The following ST6GALNAC5 variants were observed in gnomAD, a reference collection of about 807,000 sequenced individuals.
ST6GALNAC5 encodes the protein alpha-N-acetylgalactosaminide alpha-2,6-sialyltransferase 5.
In ST6GALNAC5, 27 loss-of-function variants were observed where a neutral mutation model predicts 33.6. The observed-to-expected ratio is 0.80, with a 90% CI of 0.59 to 1.11. ST6GALNAC5 has a LOEUF of 1.11. ST6GALNAC5 is among the 50% of genes least tolerant of loss of function. ST6GALNAC5 has a pLI of 0.00. For synonymous variants in ST6GALNAC5, 194 were observed against 171.2 expected (o/e 1.13, Z -1.04); for missense variants, 428 against 454.0 (o/e 0.94, Z 0.52).
intron 2 of ST6GALNAC5, among the ~76,000 whole-genome samples, chr1:77,013,071 A>T (rs1485341860): frequency 6.6e-6 from 1 of 152,168 alleles, no homozygotes; most frequent in African/African-American, 2.4e-5. Flanking sequence ...TGGCAGAAGG[A>T]GCAGTGTGTG....
chr1:76,892,742 G>T (rs544380880), intron 2 of ST6GALNAC5, among the ~76,000 whole-genome samples: 1 of 152,142 alleles, frequency 6.6e-6, no homozygotes, highest in African/African-American at 2.4e-5. Flanking sequence ...CCTATATCTG[G>T]AGTCCTTTAA....
intron 2 of ST6GALNAC5, among the ~76,000 whole-genome samples, chr1:77,023,217 G>A (rs1651117413): frequency 6.6e-6 from 1 of 152,196 alleles, no homozygotes; most frequent in African/African-American, 2.4e-5. Context: ...GAGGGATTCT[G>A]TTATTTAAGC....
At chr1:77,029,075 A>C (rs1651354658) in intron 2 of ST6GALNAC5, among the ~76,000 whole-genome samples, 1 of 152,192 alleles carries the variant, frequency 6.6e-6, no homozygotes, top group African/African-American at 2.4e-5. Flanking sequence ...TAAGCTATAA[A>C]GGGTCACTTT....
intron 2 of ST6GALNAC5, among the ~76,000 whole-genome samples, chr1:77,039,955 C>T (rs534853666): frequency 6.6e-6 from 1 of 152,304 alleles, no homozygotes; most frequent in South Asian, 2.1e-4. Flanking sequence ...CATCTGAATG[C>T]TTAAGGGAAG....
At chr1:77,021,883 C>A (rs1651065993) in intron 2 of ST6GALNAC5, among the ~76,000 whole-genome samples, 1 of 152,184 alleles carries the variant, frequency 6.6e-6, no homozygotes, top group Admixed American at 6.5e-5. Flanking sequence ...TTGCACCTCA[C>A]ACACATCTCA....
intron 2 of ST6GALNAC5, among the ~76,000 whole-genome samples, chr1:77,000,666 G>A (rs1650114337): frequency 6.6e-6 from 1 of 150,536 alleles, no homozygotes; most frequent in African/African-American, 2.4e-5. Flanking sequence ...ATTGATTTTT[G>A]TATAAGGTGT....
intron 2 of ST6GALNAC5, among the ~76,000 whole-genome samples, chr1:76,923,287 A>AG (rs1647052896): frequency 6.6e-6 from 1 of 152,010 alleles, no homozygotes; most frequent in Non-Finnish European, 1.5e-5. Context: ...TAATGAAAAA[A>AG]AAAAAGGAGT....
chr1:77,016,140 CTCCCCTCCTGTATCTTCCCCT>C (rs1458338457), intron 2 of ST6GALNAC5, among the ~76,000 whole-genome samples: 1 of 117,864 alleles, frequency 8.5e-6, no homozygotes, highest in African/African-American at 3.4e-5. Context: ...TATCTCCTCC[CTCCCCTCCTGTATCTTCCCCT>C]CCTCCTCCTC....
At chr1:77,001,926 A>C (rs1650184475) in intron 2 of ST6GALNAC5, among the ~76,000 whole-genome samples, 1 of 152,128 alleles carries the variant, frequency 6.6e-6, no homozygotes, top group Non-Finnish European at 1.5e-5. Context: ...ATCAATGTTC[A>C]TCAAGGATAT....
chr1:76,974,223 T>TC (rs1444153259), intron 2 of ST6GALNAC5, among the ~76,000 whole-genome samples: 4 of 150,208 alleles, frequency 2.7e-5, no homozygotes, highest in African/African-American at 9.8e-5. Context: ...TTTTTTTTTT[T>TC]TTTTTTAGAA....
chr1:76,867,830 C>A (rs1271913141), intron 1 of ST6GALNAC5, 140 bp downstream of exon 1: 8 of 1,221,812 alleles, frequency 6.5e-6, no homozygotes, highest in Non-Finnish European at 9.3e-6. Flanking sequence ...TTTCTACCCG[C>A]TCCGCGTTCC....
intron 2 of ST6GALNAC5, among the ~76,000 whole-genome samples, chr1:77,031,454 C>T (rs1327124877): frequency 2.6e-5 from 4 of 152,198 alleles, no homozygotes; most frequent in Admixed American, 2.6e-4. Flanking sequence ...CTGCCACAAT[C>T]TGGTTATTTG....
chr1:77,018,773 G>A (rs1340417930), intron 2 of ST6GALNAC5, among the ~76,000 whole-genome samples: 1 of 152,158 alleles, frequency 6.6e-6, no homozygotes, highest in Non-Finnish European at 1.5e-5. Context: ...AGGGATGTCA[G>A]GTACATTATA....
intron 2 of ST6GALNAC5, among the ~76,000 whole-genome samples, chr1:77,028,276 C>G (rs1406994229): frequency 6.6e-6 from 1 of 152,172 alleles, no homozygotes; most frequent in East Asian, 1.9e-4. Flanking sequence ...AGTCTTGCAC[C>G]TGAAAAACCG....
chr1:76,911,169 T>G (rs1187673128), intron 2 of ST6GALNAC5, among the ~76,000 whole-genome samples: 1 of 152,182 alleles, frequency 6.6e-6, no homozygotes, highest in African/African-American at 2.4e-5. Flanking sequence ...TTGAATTTTG[T>G]CAAAGGCCTT....
rs774980790 is a variant in ST6GALNAC5, at chr1:76,868,465, G to T, written c.16-32G>T. The stretch of plus-strand genomic sequence containing the variant: ...GCTCCTCCGGTGTCTGCGCTCAGCC[G>T]CTCTCCTCTTCTCTCTCCCGCCCGC... On this transcript the variant is annotated intron_variant, in intron 1 of 4. Coordinates refer to ENST00000477717, the MANE Select transcript of ST6GALNAC5 (RefSeq NM_030965.3). This position sits in a 1 kb window ranked among gnomAD's most constrained non-coding sequence, Gnocchi z 4.3. The T allele has an allele frequency of 1.3e-5, 21 of 1,582,372 alleles. No individual in the cohort carries two copies. In the African/African-American group the frequency reaches 2.0e-4, roughly 15 times the overall value.
At chr1:76,953,860 C>A (rs1647847792) in intron 2 of ST6GALNAC5, among the ~76,000 whole-genome samples, 1 of 152,006 alleles carries the variant, frequency 6.6e-6, no homozygotes, top group Non-Finnish European at 1.5e-5. Flanking sequence ...GTTCATTTTT[C>A]TGCCCATTGG....
At chr1:77,030,476 G>C (rs1324262367) in intron 2 of ST6GALNAC5, among the ~76,000 whole-genome samples, 3 of 152,204 alleles carry the variant, frequency 2.0e-5, no homozygotes, top group Admixed American at 1.3e-4. Context: ...CATTATGACT[G>C]TTATTTTGGC....
intron 2 of ST6GALNAC5, among the ~76,000 whole-genome samples, chr1:77,035,020 A>C (rs945965654): frequency 1.3e-5 from 2 of 152,162 alleles, no homozygotes; most frequent in Non-Finnish European, 2.9e-5. Context: ...GGCCCAGCCC[A>C]GTGGTTCTTA....
Sources: allele counts gnomAD v4.1 joint callset (sites outside exome capture counted in the v4.1 genomes callset), GRCh38; gene constraint gnomAD v4.1.1; non-coding constraint Gnocchi (gnomAD v3.1); transcripts MANE v1.5; gene names NCBI Gene and HGNC (gene_info 2026-07-23, HGNC 2026-07-21).